Variants in C2orf81 observed in about 807,000 individuals in gnomAD.
The protein encoded by C2orf81 is chromosome 2 open reading frame 81, also known as uncharacterized protein C2orf81.
Under a neutral mutation model 7.9 loss-of-function variants are expected in C2orf81, and 5 were observed. That is an observed-to-expected ratio of 0.63 (90% confidence interval 0.33 to 1.33). C2orf81 has a LOEUF of 1.33. Ranked by LOEUF, C2orf81 falls within the 40% of genes most tolerant of loss-of-function variation. The pLI, the probability that C2orf81 is intolerant of heterozygous loss-of-function variation, is 0.05. For synonymous variants in C2orf81, 346 were observed against 367.4 expected, an observed-to-expected ratio of 0.94 and a Z score of 0.66; for missense variants, 781 against 830.4, an observed-to-expected ratio of 0.94 and a Z score of 0.73.
At chr2:74,418,177 T>G in intron 1 of C2orf81, 1 of 1,206,022 alleles carries the variant, frequency 8.3e-7, no homozygotes, top group Non-Finnish European at 1.2e-6. Flanking sequence ...CTTCTCCAGT[T>G]TTTTGGGTCT....
chr2:74,417,108 C>T (rs767032773), intron 1 of C2orf81, among the ~76,000 whole-genome samples: 1 of 152,148 alleles, frequency 6.6e-6, no homozygotes, highest in African/African-American at 2.4e-5. Flanking sequence ...GAACATTTGG[C>T]GCTGCTAGCA....
chr2:74,418,237 G>A (rs765727922), intron 1 of C2orf81: 14 of 1,589,292 alleles, frequency 8.8e-6, no homozygotes, highest in Non-Finnish European at 1.2e-5. Context: ...GGTCTTGGCA[G>A]CACCCTTGTT....
chr2:74,415,438 A>G lies in C2orf81; in HGVS notation c.739T>C (p.Ser247Pro). 2.6e-6 allele frequency: 4 copies of G among 1,534,754 alleles called. No homozygotes were observed. Among genetic ancestry groups the G allele is most frequent in the Non-Finnish European group, 3.5e-6 (4 of 1,135,280 alleles). Reference protein sequence around the residue: ...GGPVEEADGQSRGLSSAGSLS... With the variant: ...GGPVEEADGQPRGLSSAGSLS... ...GACCCGGCCGAGGAGAGGCCTCTAG[A>G]CTGGCCGTCCGCTTCCTCTACAGGA... is the stretch of plus-strand genomic sequence containing the variant. The change falls in exon 3 of 3, where the codon TCT becomes CCT. Residue 247 changes from serine (S) to proline (P), a missense_variant. Transcript: ENST00000684111. This position sits in a 1 kb window ranked among gnomAD's most constrained non-coding sequence, Gnocchi z 5.5.
Position 74,415,980 on chromosome 2 carries a change from A to AG in C2orf81, c.249+30_249+31insC. 1.3e-6 allele frequency: 2 copies of AG among 1,548,042 alleles called. No homozygotes were observed. Among genetic ancestry groups the AG allele is most frequent in the Non-Finnish European group, 1.7e-6 (2 of 1,144,898 alleles). The stretch of plus-strand genomic sequence containing the variant: ...CGGCAGGGAGGGGCGGGAGAGGGAG[A>AG]CGAGTCTGAAGGACCCGGATCCCGG... On this transcript the variant is annotated intron_variant, in intron 2 of 2. Coordinates refer to ENST00000684111, the MANE Select transcript of C2orf81 (RefSeq NM_001316764.3). This position sits in a 1 kb window ranked among gnomAD's most constrained non-coding sequence, Gnocchi z 5.5.
In C2orf81 at chr2:74,414,884, C is replaced by T; in HGVS notation, c.1293G>A (p.Pro431=). 1.3e-6 allele frequency: 2 copies of T among 1,546,476 alleles called. No homozygotes were observed. Among genetic ancestry groups the T allele is most frequent in the South Asian group, 1.2e-5 (1 of 83,646 alleles). The change falls in exon 3 of 3, where the codon CCG becomes CCA. Residue 431 remains proline (P), a synonymous_variant. Transcript: ENST00000684111. The surrounding 1 kb of genome is among the most constrained non-coding windows in gnomAD (Gnocchi z 5.3). ...CTGGCCGGAGAGGGAAGAACGCTGCCGGGGAGACACGGGTGCCGGGGCCGA... is the reference window on the plus strand; with the variant it reads ...CTGGCCGGAGAGGGAAGAACGCTGCTGGGGAGACACGGGTGCCGGGGCCGA... ...QALGPGTRVS[P]AAFFPLRPGI...
rs1558528613 is a variant in C2orf81 at position 74,416,238 on chromosome 2, G to C, written c.22C>G (p.Gln8Glu). The C allele has an allele frequency of 2.2e-6, 3 of 1,363,376 alleles. No homozygotes were observed. The highest frequency in any genetic ancestry group is 2.2e-5 in the Admixed American group (1 of 45,398). 84.5% of individuals were successfully genotyped at this position (1,363,376 alleles called of 1,614,324 possible). The change falls in exon 2 of 3, where the codon CAG (glutamine) becomes GAG (glutamate). Residue 8 changes from glutamine to glutamate, a missense_variant. Physicochemically the swap from Gln to Glu is conservative, Grantham distance 29. Coordinates refer to ENST00000684111, the MANE Select transcript of C2orf81 (RefSeq NM_001316764.3). MAHEGSR[Q>E]ERQVRDRGVT... ...CCGCGGTCTCGGACCTGCCTCTCCTGCCTCTGTGAGAACAAAACATGGCAA... is the reference window on the plus strand; with the variant it reads ...CCGCGGTCTCGGACCTGCCTCTCCTCCCTCTGTGAGAACAAAACATGGCAA...
intron 1 of C2orf81, chr2:74,418,317 T>TA: frequency 6.2e-7 from 1 of 1,606,160 alleles, no homozygotes; most frequent in Non-Finnish European, 8.5e-7. Flanking sequence ...TCTGACTCCC[T>TA]ACCAGCGCTG....
intron 1 of C2orf81, among the ~76,000 whole-genome samples, chr2:74,420,777 T>C (rs1362219658): frequency 2.4e-5 from 3 of 123,702 alleles, no homozygotes; most frequent in African/African-American, 7.0e-5. Context: ...TTCTTCTTTT[T>C]TTTTTTTTTT....
chr2:74,417,292 G>C, intron 1 of C2orf81: 1 of 1,127,488 alleles, frequency 8.9e-7, no homozygotes, highest in Non-Finnish European at 1.2e-6. Context: ...TCTGAGGAGA[G>C]GAAAATGGCC....
chr2:74,416,016 GA>G lies in C2orf81; in HGVS notation c.243del (p.Gln82SerfsTer33). 6.5e-7 allele frequency: 1 copy of G among 1,550,062 alleles called. No individual in the cohort carries two copies. The highest frequency in any genetic ancestry group is 8.7e-7 in the Non-Finnish European group (1 of 1,146,870). On this transcript the variant is annotated frameshift_variant, in exon 2 of 3. Transcript: ENST00000684111. LOFTEE classifies it low-confidence loss of function (END_TRUNC). The part of the protein sequence containing the change: ...VMDSAFKVYL[T>X]QQCIPFTISQ... ...GGACCCGGATCCCGGCCCACCTGCT[GA>G]GTCAGGTAGACTTTGAAAGCAGAGT... is the stretch of plus-strand genomic sequence containing the variant.
At position 74,414,391 on chromosome 2, in the gene C2orf81, C is replaced by A; in HGVS notation, c.1786G>T (p.Gly596Cys). Residue 596 changes from glycine (G) to cysteine (C), a missense_variant, in exon 3 of 3, where the codon GGT becomes TGT. Coordinates refer to ENST00000684111, the MANE Select transcript of C2orf81 (RefSeq NM_001316764.3). The surrounding 1 kb of genome is among the most constrained non-coding windows in gnomAD (Gnocchi z 5.3). ...SGVPEQEDKE[G>C]STFPPVEQHP... ...TGCTCAACGGGAGGAAAGGTGCTAC[C>A]TTCTTTGTCCTCTTGTTCAGGCACA... 6.5e-7 allele frequency: 1 copy of A among 1,536,354 alleles called. No individual in the cohort carries two copies. The highest frequency in any genetic ancestry group is 1.2e-5 in the South Asian group (1 of 82,444).
Position 74,418,884 on chromosome 2 carries a change from T to C in C2orf81, c.19-2643A>G, listed in dbSNP as rs1056767112. Among the ~76,000 whole-genome samples, 20 of 150,536 alleles carry C rather than the reference T, an allele frequency of 1.3e-4. No individual in the cohort carries two copies. The East Asian group carries it at 2.9e-3, about 22-fold the overall frequency. ...TATCCCCGAGTAAATTAAAAGCTCATATAAAAAAAAAAATGGCCGGGCGCA... is the reference window on the plus strand; with the variant it reads ...TATCCCCGAGTAAATTAAAAGCTCACATAAAAAAAAAAATGGCCGGGCGCA... On this transcript the variant is annotated intron_variant, in intron 1 of 2. Transcript: ENST00000684111.
Position 74,414,699 on chromosome 2 carries a change from C to A in C2orf81, c.1478G>T (p.Arg493Leu). 10 of 1,542,966 alleles carry A rather than the reference C, an allele frequency of 6.5e-6. No individual in the cohort carries two copies. The highest frequency in any genetic ancestry group is 7.9e-6 in the Non-Finnish European group (9 of 1,141,382). Reference sequence around the variant, plus strand: ...GACACTGGGCCACAGCTTGGGGCTGCGGCTGCGGGCCACATCAGGGAGCAC... The same window carrying A: ...GACACTGGGCCACAGCTTGGGGCTGAGGCTGCGGGCCACATCAGGGAGCAC... Reference protein sequence around the residue: ...HPVLPDVARSRSPKLWPSVRW... With the variant: ...HPVLPDVARSLSPKLWPSVRW... The change falls in exon 3 of 3, where the codon CGC becomes CTC. Residue 493 changes from arginine (R) to leucine (L), a missense_variant. Coordinates refer to ENST00000684111, the MANE Select transcript of C2orf81 (RefSeq NM_001316764.3). This position sits in a 1 kb window ranked among gnomAD's most constrained non-coding sequence, Gnocchi z 5.3.
At chr2:74,417,627 C>CA (rs1368824371) in intron 1 of C2orf81, 4 of 944,774 alleles carry the variant, frequency 4.2e-6, no homozygotes, top group African/African-American at 3.5e-5. Context: ...CAGCACCCCC[C>CA]TCCATTGGCC....
At chr2:74,421,364 G>T (rs1676607954) in intron 1 of C2orf81, among the ~76,000 whole-genome samples, 179 bp downstream of exon 1, 1 of 152,186 alleles carries the variant, frequency 6.6e-6, no homozygotes, top group African/African-American at 2.4e-5. Context: ...AGTGGGCACC[G>T]TGCAGGTGTA....
intron 1 of C2orf81, chr2:74,416,665 G>C (rs1419118132): frequency 6.2e-6 from 1 of 160,806 alleles, no homozygotes; most frequent in African/African-American, 2.4e-5. Context: ...CACACAGTGA[G>C]CAAGCCCAGA....
At chr2:74,417,217 G>A (rs1676491280) in intron 1 of C2orf81, among the ~76,000 whole-genome samples, 1 of 152,204 alleles carries the variant, frequency 6.6e-6, no homozygotes. Flanking sequence ...ACCAGAACCT[G>A]GGGGGGTGGC....
At position 74,415,404 on chromosome 2, in the gene C2orf81, G is replaced by T. The variant is rs752326490; in HGVS notation, c.773C>A (p.Ala258Glu). 4 of 1,527,136 alleles carry T rather than the reference G, an allele frequency of 2.6e-6. No homozygotes were observed. The East Asian group carries it at 9.9e-5, about 38-fold the overall frequency. 94.6% of individuals were successfully genotyped at this position (1,527,136 alleles called of 1,614,324 possible). The change falls in exon 3 of 3, where the codon GCG becomes GAG. Residue 258 changes from alanine to glutamate, a missense_variant. Coordinates refer to ENST00000684111, the MANE Select transcript of C2orf81 (RefSeq NM_001316764.3). The surrounding 1 kb of genome is among the most constrained non-coding windows in gnomAD (Gnocchi z 5.5). ...RGLSSAGSLS[A>E]SFQLSVEEAP... ...CTCCTCCACCGACAGTTGGAAGCTCGCGCTCAAGGACCCGGCCGAGGAGAG... is the reference window on the plus strand; with the variant it reads ...CTCCTCCACCGACAGTTGGAAGCTCTCGCTCAAGGACCCGGCCGAGGAGAG...
In C2orf81 at chr2:74,414,413, C is replaced by A; in HGVS notation, c.1764G>T (p.Val588=). ...TACCTTCTTTGTCCTCTTGTTCAGG[C>A]ACACCAGAGCTGAGCAACACCTGGG... is the stretch of plus-strand genomic sequence containing the variant. ...RSTQVLLSSG[V]PEQEDKEGST... Residue 588 remains valine (V), a synonymous_variant, in exon 3 of 3, where the codon GTG becomes GTT. Transcript: ENST00000684111. This position sits in a 1 kb window ranked among gnomAD's most constrained non-coding sequence, Gnocchi z 5.3. 6.5e-7 allele frequency: 1 copy of A among 1,547,622 alleles called. No individual in the cohort carries two copies. Among genetic ancestry groups the A allele is most frequent in the Non-Finnish European group, 8.7e-7 (1 of 1,144,378 alleles).
Sources: allele counts gnomAD v4.1 joint callset (sites outside exome capture counted in the v4.1 genomes callset), GRCh38; gene constraint gnomAD v4.1.1; non-coding constraint Gnocchi (gnomAD v3.1); transcripts MANE v1.5; gene names NCBI Gene and HGNC (gene_info 2026-07-23, HGNC 2026-07-21).